PARD3B: variants seen among roughly 807,000 people sequenced by gnomAD.
PARD3B encodes partitioning defective 3 homolog B.
A neutral mutation model predicts 130.2 loss-of-function variants in PARD3B; 103 were observed. That is an observed-to-expected ratio of 0.79 (90% confidence interval 0.67 to 0.93). The LOEUF is 0.93. Ranked by LOEUF, PARD3B falls within the 40% of genes least tolerant of loss-of-function variation. PARD3B has a pLI of 0.00. For missense variants in PARD3B, 1,609 were observed against 1,499.2 expected, an observed-to-expected ratio of 1.07 and a Z score of -1.21; for synonymous variants, 583 against 553.2, an observed-to-expected ratio of 1.05 and a Z score of -0.76.
intron 18 of PARD3B, among the ~76,000 whole-genome samples, chr2:205,315,519 C>T (rs763960329): frequency 1.3e-5 from 2 of 152,150 alleles, no homozygotes; most frequent in Admixed American, 6.6e-5. Context: ...ATCAGAGACT[C>T]TAATTCATTA....
At position 205,365,286 on chromosome 2, in the gene PARD3B, G is replaced by T. The variant is rs182705234; in HGVS notation, c.2631-35727G>T. 6.3e-3 allele frequency among the ~76,000 whole-genome samples: 958 copies of T among 151,570 alleles called. 6 individuals are homozygous for T. The highest frequency in any genetic ancestry group is 0.022 in the African/African-American group (922 of 41,388). On this transcript the variant is annotated intron_variant, in intron 18 of 22. Coordinates refer to ENST00000406610, the MANE Select transcript of PARD3B (RefSeq NM_001302769.2). The stretch of plus-strand genomic sequence containing the variant: ...ACTTGGGAGGATGAAGCAGAGAATT[G>T]CTTGAACCCAGGAGGCAGACATTTC...
intron 2 of PARD3B, among the ~76,000 whole-genome samples, chr2:204,766,222 T>A (rs1276671350): frequency 1.3e-5 from 2 of 152,178 alleles, no homozygotes; most frequent in African/African-American, 4.8e-5. Context: ...ACCTAGAAAC[T>A]TTCTTCCAAA....
chr2:204,548,451 G>T (rs1445643121), intron 1 of PARD3B, among the ~76,000 whole-genome samples: 1 of 152,064 alleles, frequency 6.6e-6, no homozygotes, highest in African/African-American at 2.4e-5. Context: ...TTACAAATCA[G>T]GGGAAAAAGA....
At chr2:204,622,563 A>T (rs2034342207) in intron 1 of PARD3B, among the ~76,000 whole-genome samples, 1 of 151,242 alleles carries the variant, frequency 6.6e-6, no homozygotes, top group Non-Finnish European at 1.5e-5. Context: ...AGACTATAAT[A>T]TTAATTCATT....
intron 3 of PARD3B, among the ~76,000 whole-genome samples, chr2:204,990,490 T>A (rs546208832): frequency 6.6e-6 from 1 of 152,288 alleles, no homozygotes; most frequent in African/African-American, 2.4e-5. Flanking sequence ...ACACTAGAAC[T>A]AATTGTATGT....
At chr2:204,857,050 C>G (rs1450843166) in intron 2 of PARD3B, among the ~76,000 whole-genome samples, 1 of 151,950 alleles carries the variant, frequency 6.6e-6, no homozygotes, top group East Asian at 1.9e-4. Context: ...ATATTTGACC[C>G]CCACTCCACT....
intron 18 of PARD3B, among the ~76,000 whole-genome samples, chr2:205,389,426 T>C (rs2045772955): frequency 6.6e-6 from 1 of 152,102 alleles, no homozygotes; most frequent in Non-Finnish European, 1.5e-5. Flanking sequence ...GCAATGACGC[T>C]ATGTCGGTTC....
At chr2:204,725,285 G>C (rs879839521) in intron 2 of PARD3B, among the ~76,000 whole-genome samples, 1 of 152,158 alleles carries the variant, frequency 6.6e-6, no homozygotes, top group Non-Finnish European at 1.5e-5. Context: ...TATCAACATG[G>C]AAAGAGATGT....
At chr2:204,731,318 A>G (rs1446796422) in intron 2 of PARD3B, among the ~76,000 whole-genome samples, 1 of 152,202 alleles carries the variant, frequency 6.6e-6, no homozygotes, top group African/African-American at 2.4e-5. Context: ...TTTAAGACCA[A>G]TAACAAGATT....
At chr2:204,826,926 AG>A (rs1341019105) in intron 2 of PARD3B, among the ~76,000 whole-genome samples, 2 of 152,270 alleles carry the variant, frequency 1.3e-5, no homozygotes. Context: ...AGGCTGAGGC[AG>A]GAGGATCACT....
chr2:205,080,519 A>G (rs577472453), intron 4 of PARD3B, among the ~76,000 whole-genome samples: 1 of 152,250 alleles, frequency 6.6e-6, no homozygotes, highest in Non-Finnish European at 1.5e-5. Flanking sequence ...ATTCATCGCT[A>G]TGTTTTTATA....
chr2:204,867,067 C>CT (rs2045452559), intron 2 of PARD3B, among the ~76,000 whole-genome samples: 1 of 146,794 alleles, frequency 6.8e-6, no homozygotes, highest in African/African-American at 2.7e-5. Context: ...GAATGAGACT[C>CT]TGTCGCAAAA....
intron 1 of PARD3B, among the ~76,000 whole-genome samples, chr2:204,554,996 T>C (rs910892236): frequency 2.6e-4 from 39 of 152,188 alleles, no homozygotes; most frequent in African/African-American, 9.2e-4. Context: ...CCTGCTCTTT[T>C]TCTGGGAGTC....
At chr2:204,760,677 G>A (rs1397994481) in intron 2 of PARD3B, among the ~76,000 whole-genome samples, 1 of 152,084 alleles carries the variant, frequency 6.6e-6, no homozygotes, top group African/African-American at 2.4e-5. Flanking sequence ...GAGAGTGGTG[G>A]AAGGTGTGGA....
chr2:205,376,088 C>T (rs534331297), intron 18 of PARD3B, among the ~76,000 whole-genome samples: 4 of 152,180 alleles, frequency 2.6e-5, no homozygotes, highest in African/African-American at 7.2e-5. Flanking sequence ...TTTCTATGGG[C>T]GGGCACTGTT....
At chr2:204,604,439 G>C (rs1311061258) in intron 1 of PARD3B, among the ~76,000 whole-genome samples, 1 of 152,140 alleles carries the variant, frequency 6.6e-6, no homozygotes, top group Admixed American at 6.5e-5. Flanking sequence ...CCCTTTAAAT[G>C]CTGTTTTAAC....
rs2033394597 is a variant in PARD3B, at chr2:205,146,782, C to T, written c.1435-11940C>T. Among the ~76,000 whole-genome samples, 1 of 151,858 alleles carries T rather than the reference C, an allele frequency of 6.6e-6. No homozygotes were observed. On this transcript the variant is annotated intron_variant, in intron 10 of 22. Coordinates refer to ENST00000406610, the MANE Select transcript of PARD3B (RefSeq NM_001302769.2). This position sits in a 1 kb window ranked among gnomAD's most constrained non-coding sequence, Gnocchi z 4.3. ...TCACTCTGTTGCCCAGGGTGGAATG[C>T]AGTGGAGCGATCTCAGCTCAGTGCA... is the stretch of plus-strand genomic sequence containing the variant.
chr2:204,798,894 C>T (rs2042467305), intron 2 of PARD3B, among the ~76,000 whole-genome samples: 1 of 152,086 alleles, frequency 6.6e-6, no homozygotes, highest in East Asian at 1.9e-4. Flanking sequence ...TTAGTACTTG[C>T]CATGGGCCTT....
At chr2:204,894,173 T>C (rs1229303930) in intron 2 of PARD3B, among the ~76,000 whole-genome samples, 1 of 152,028 alleles carries the variant, frequency 6.6e-6, no homozygotes. Flanking sequence ...GCATTAAGGG[T>C]TTTTTTGATG....
Sources: allele counts gnomAD v4.1 joint callset (sites outside exome capture counted in the v4.1 genomes callset), GRCh38; gene constraint gnomAD v4.1.1; non-coding constraint Gnocchi (gnomAD v3.1); transcripts MANE v1.5; gene names NCBI Gene and HGNC (gene_info 2026-07-23, HGNC 2026-07-21).